The following C6orf132 variants were observed in gnomAD, a reference collection of about 807,000 sequenced individuals.
C6orf132 encodes the protein uncharacterized protein C6orf132.
Under a neutral mutation model 65.3 loss-of-function variants are expected in C6orf132, and 43 were observed. The observed-to-expected ratio is 0.66, with a 90% CI of 0.52 to 0.85. The LOEUF is 0.85. C6orf132 is among the 40% of genes least tolerant of loss of function. The probability of loss-of-function intolerance (pLI) is 0.00; values close to 1 mark genes in which losing one functional copy is unlikely to be tolerated. For missense variants in C6orf132, 1,488 were observed against 1,548.8 expected, an observed-to-expected ratio of 0.96 and a Z score of 0.66; for synonymous variants, 631 against 654.1, an observed-to-expected ratio of 0.96 and a Z score of 0.54.
chr6:42,109,883 A>G (rs1315935442), intron 3 of C6orf132, among the ~76,000 whole-genome samples: 2 of 152,156 alleles, frequency 1.3e-5, no homozygotes, highest in Admixed American at 6.6e-5. Flanking sequence ...GTCTTGCCCA[A>G]GGGAGCAAAG....
chr6:42,128,737 C>T lies in C6orf132; in HGVS notation c.187G>A (p.Glu63Lys), dbSNP rs1046972064. The change falls in exon 2 of 5, where the codon GAG (glutamate) becomes AAG (lysine). Residue 63 changes from glutamate to lysine, a missense_variant. Transcript: ENST00000341865. ...GCTTTCAGCGTGGCTGTTCCTGACT[C>T]GCTCACTGTGTTAAACCGATTGTCT... ...YGDNRFNTVSESGTATLKARP... is the reference protein window; with the variant it reads ...YGDNRFNTVSKSGTATLKARP... 1.0e-5 allele frequency: 16 copies of T among 1,551,474 alleles called. No individual in the cohort carries two copies. Among genetic ancestry groups the T allele is most frequent in the South Asian group, 4.8e-5 (4 of 84,060 alleles).
In C6orf132 at chr6:42,142,433, C is replaced by T; in HGVS notation, c.12G>A (p.Lys4=). ...TGCTGAAGGTGCCCTGCACCGTCTG[C>T]TTCTTTTTCATGCTGCCGCAGCCCG... is the stretch of plus-strand genomic sequence containing the variant. MKK[K]QTVQGTFSKL... Residue 4 remains lysine, a synonymous_variant, in exon 1 of 5, where the codon AAG becomes AAA. Coordinates refer to ENST00000341865, the MANE Select transcript of C6orf132 (RefSeq NM_001164446.3). 6.5e-7 allele frequency: 1 copy of T among 1,543,772 alleles called. No individual in the cohort carries two copies.
In C6orf132 at chr6:42,106,401, T is replaced by C. The variant is rs1582268718; in HGVS notation, c.1511A>G (p.Lys504Arg). 1 of 1,535,914 alleles carries C rather than the reference T, an allele frequency of 6.5e-7. No individual in the cohort carries two copies. The change falls in exon 4 of 5, where the codon AAG (lysine) becomes AGG (arginine). Residue 504 changes from lysine to arginine, a missense_variant. Lys to Arg is a conservative substitution (Grantham distance 26). Coordinates refer to ENST00000341865, the MANE Select transcript of C6orf132 (RefSeq NM_001164446.3). Reference protein sequence around the residue: ...PTVAPQSKEGKKGPRLPEKET... With the variant: ...PTVAPQSKEGRKGPRLPEKET... ...CTTCTCAGGCAGGCGGGGGCCCTTCTTGCCCTCCTTGCTCTGAGGGGCCAC... is the reference window on the plus strand; with the variant it reads ...CTTCTCAGGCAGGCGGGGGCCCTTCCTGCCCTCCTTGCTCTGAGGGGCCAC...
rs187556222 is a variant in C6orf132 at position 42,138,199 on chromosome 6, T to C, written c.145+4101A>G. Among the ~76,000 whole-genome samples, 7 of 152,250 alleles carry C rather than the reference T, an allele frequency of 4.6e-5. No homozygotes were observed. The East Asian group carries it at 1.4e-3, about 29-fold the overall frequency. On this transcript the variant is annotated intron_variant, in intron 1 of 4. Transcript: ENST00000341865. ...TCTTGCTCTGTCACCCAGGCTGGAG[T>C]GCAGTGGTGCCATCATAGCTGACTG...
At chr6:42,130,529 G>C (rs1426078145) in intron 1 of C6orf132, among the ~76,000 whole-genome samples, 1 of 152,112 alleles carries the variant, frequency 6.6e-6, no homozygotes, top group African/African-American at 2.4e-5. Flanking sequence ...GACTGGGGTG[G>C]GGCGGGGATT....
At chr6:42,117,546 T>C (rs1466727786) in intron 2 of C6orf132, among the ~76,000 whole-genome samples, 1 of 152,154 alleles carries the variant, frequency 6.6e-6, no homozygotes, top group Non-Finnish European at 1.5e-5. Context: ...TGCTTCTTTG[T>C]ATGTGCCTGA....
At chr6:42,128,523 C>A in intron 2 of C6orf132, 149 bp downstream of exon 2, 1 of 620,566 alleles carries the variant, frequency 1.6e-6, no homozygotes, top group Non-Finnish European at 2.9e-6. Context: ...CTCGACCATG[C>A]CTCCTTCCAG....
chr6:42,101,890 A>G lies in C6orf132; in HGVS notation c.*1871T>C, dbSNP rs1167272806. 1.3e-5 allele frequency: 2 copies of G among 152,106 alleles called. No individual in the cohort carries two copies. Among genetic ancestry groups the G allele is most frequent in the African/African-American group, 4.8e-5 (2 of 41,386 alleles). The allele number at this position is 152,106 out of a possible 1,614,324, so 9.4% of individuals were successfully genotyped here. On this transcript the variant is annotated 3_prime_UTR_variant, in exon 5 of 5. Transcript: ENST00000341865. The stretch of plus-strand genomic sequence containing the variant: ...AACCAGCCTCGGCTGGTTACCACAA[A>G]TAATAAAGGTCCAACATCTTCCCCC...
intron 2 of C6orf132, among the ~76,000 whole-genome samples, chr6:42,123,564 A>C (rs747944391): frequency 6.6e-6 from 1 of 151,434 alleles, no homozygotes; most frequent in Admixed American, 6.6e-5. Context: ...GGAAGAGAAG[A>C]AGAAGAAGAA....
At chr6:42,128,944 A>T (rs576061810) in intron 1 of C6orf132, among the ~76,000 whole-genome samples, 166 bp from the exon 2 acceptor site, 11 of 152,288 alleles carry the variant, frequency 7.2e-5, no homozygotes, top group Admixed American at 7.2e-4. Context: ...TATGGATGAG[A>T]TGTGCACTAA....
intron 2 of C6orf132, among the ~76,000 whole-genome samples, chr6:42,123,995 G>T (rs1236087824): frequency 3.3e-5 from 5 of 152,190 alleles, no homozygotes; most frequent in African/African-American, 1.2e-4. Context: ...TTCTCCGGTG[G>T]CCCTCCAGGG....
chr6:42,105,987 G>C lies in C6orf132; in HGVS notation c.1925C>G (p.Pro642Arg). 6.5e-7 allele frequency: 1 copy of C among 1,537,110 alleles called. No individual in the cohort carries two copies. The highest frequency in any genetic ancestry group is 1.2e-5 in the South Asian group (1 of 84,050). The change falls in exon 4 of 5, where the codon CCA becomes CGA. Residue 642 changes from proline (P) to arginine (R), a missense_variant. Physicochemically the swap from Pro to Arg is moderately radical, Grantham distance 103 (BLOSUM62 -2). Coordinates refer to ENST00000341865, the MANE Select transcript of C6orf132 (RefSeq NM_001164446.3). ...QPKAMLGPAI[P>R]PKATPEPAIP... ...GGCTGGCTCAGGTGTGGCCTTGGGT[G>C]GTATGGCTGGTCCCAACATAGCCTT...
At chr6:42,115,595 G>A (rs1470684735) in intron 2 of C6orf132, among the ~76,000 whole-genome samples, 4 of 149,828 alleles carry the variant, frequency 2.7e-5, no homozygotes, top group East Asian at 2.1e-4. Context: ...GCAGTGAGCC[G>A]AGATGGAGGC....
intron 3 of C6orf132, among the ~76,000 whole-genome samples, chr6:42,109,746 G>C (rs944176166): frequency 1.3e-5 from 2 of 152,166 alleles, no homozygotes; most frequent in African/African-American, 4.8e-5. Flanking sequence ...CCATTAGTGA[G>C]TTTGAAGCAC....
Position 42,103,864 on chromosome 6 carries a change from G to A in C6orf132, c.3464C>T (p.Thr1155Ile). ...APAAGRSPYT[T>I]TRYGSPINTF... is the part of the protein sequence containing the mutation. ...GTTGATGGGGCTTCCATAGCGGGTGGTGGTGTAGGGAGACCTGGGGGAGAG... is the reference window on the plus strand; with the variant it reads ...GTTGATGGGGCTTCCATAGCGGGTGATGGTGTAGGGAGACCTGGGGGAGAG... The change falls in exon 5 of 5, where the codon ACC becomes ATC. Residue 1155 changes from threonine to isoleucine, a missense_variant. Coordinates refer to ENST00000341865, the MANE Select transcript of C6orf132 (RefSeq NM_001164446.3). The A allele has an allele frequency of 6.8e-7, 1 of 1,469,964 alleles. No homozygotes were observed. The highest frequency in any genetic ancestry group is 1.4e-5 in the African/African-American group (1 of 69,870). 91.1% of individuals were successfully genotyped at this position (1,469,964 alleles called of 1,614,324 possible). A position where few individuals can be genotyped will look rare whatever the true frequency, so the allele number is the denominator to read the frequency against.
chr6:42,138,985 T>A (rs1237508675), intron 1 of C6orf132, among the ~76,000 whole-genome samples: 1 of 152,086 alleles, frequency 6.6e-6, no homozygotes, highest in African/African-American at 2.4e-5. Context: ...ATTAGAGAAA[T>A]TCTGTAAAGA....
At chr6:42,137,484 C>T (rs1766962413) in intron 1 of C6orf132, among the ~76,000 whole-genome samples, 1 of 151,978 alleles carries the variant, frequency 6.6e-6, no homozygotes, top group Non-Finnish European at 1.5e-5. Flanking sequence ...TGGGAGTTTC[C>T]CACTCTTTAG....
intron 2 of C6orf132, among the ~76,000 whole-genome samples, chr6:42,118,179 C>T (rs944383447): frequency 9.2e-5 from 14 of 151,686 alleles, no homozygotes; most frequent in Non-Finnish European, 1.8e-4. Context: ...GGTCACCCCT[C>T]GATGACAGGG....
intron 2 of C6orf132, among the ~76,000 whole-genome samples, chr6:42,113,091 T>G (rs1766517304): frequency 6.6e-6 from 1 of 152,080 alleles, no homozygotes; most frequent in South Asian, 2.1e-4. Flanking sequence ...ACCCAGCCCA[T>G]CAGAAGTGTG....
Sources: allele counts gnomAD v4.1 joint callset (sites outside exome capture counted in the v4.1 genomes callset), GRCh38; gene constraint gnomAD v4.1.1; transcripts MANE v1.5; gene names NCBI Gene and HGNC (gene_info 2026-07-23, HGNC 2026-07-21).